PCDHA10: variants seen among roughly 807,000 people sequenced by gnomAD.
PCDHA10 encodes protocadherin alpha-10.
In PCDHA10, 45 loss-of-function variants were observed where a neutral mutation model predicts 61.2. The observed-to-expected ratio is 0.74, with a 90% CI of 0.58 to 0.94. The LOEUF (loss-of-function observed/expected upper bound fraction) is 0.94. Among genes scored for constraint, PCDHA10 ranks in the 40% least tolerant of loss-of-function variants. PCDHA10 has a pLI of 0.00. For synonymous variants in PCDHA10, 602 were observed against 548.8 expected (o/e 1.10, Z -1.35); for missense variants, 1,278 against 1,236.2 (o/e 1.03, Z -0.51).
intron 1 of PCDHA10, among the ~76,000 whole-genome samples, chr5:140,952,271 G>A (rs561917046): frequency 6.6e-6 from 1 of 151,646 alleles, no homozygotes; most frequent in East Asian, 2.0e-4. Flanking sequence ...CTGGGGTCTT[G>A]AGGGTGGTGG....
intron 1 of PCDHA10, among the ~76,000 whole-genome samples, chr5:140,898,053 A>C (rs1444652933): frequency 1.3e-5 from 2 of 151,746 alleles, no homozygotes; most frequent in Admixed American, 1.3e-4. Context: ...TTTTTCTTGT[A>C]AATTTGTTTG....
chr5:140,871,132 G>T, intron 1 of PCDHA10: 7 of 1,613,372 alleles, frequency 4.3e-6, no homozygotes, highest in Non-Finnish European at 5.9e-6. Context: ...GGCGCCAAAG[G>T]CCTCTTCCCG....
At chr5:140,973,207 A>C (rs1335984656) in intron 1 of PCDHA10, among the ~76,000 whole-genome samples, 1 of 152,100 alleles carries the variant, frequency 6.6e-6, no homozygotes, top group Non-Finnish European at 1.5e-5. Flanking sequence ...GTGCATATTC[A>C]CCCTAATTCC....
In PCDHA10 at chr5:140,945,883, GAA is replaced by G. The variant is rs2093856247; in HGVS notation, c.2389-33063_2389-33062del. On this transcript the variant is annotated intron_variant, in intron 1 of 3. Transcript: ENST00000307360. ...GACCTGAAATTGTAAAACTAACAAA[GAA>G]AACACAGTGGGAAAGATGAAAGATC... Among the ~76,000 whole-genome samples the G allele has an allele frequency of 2.6e-5, 4 of 152,104 alleles. No homozygotes were observed. The South Asian group carries it at 8.3e-4, about 32-fold the overall frequency.
intron 1 of PCDHA10, chr5:140,929,903 C>T (rs11747154): frequency 0.12 from 17,815 of 152,352 alleles, 1,161 homozygotes; most frequent in Middle Eastern, 0.19. Context: ...ATCTTTAATA[C>T]GATATACCAT....
chr5:140,883,406 G>A, intron 1 of PCDHA10: 2 of 1,614,156 alleles, frequency 1.2e-6, no homozygotes, highest in South Asian at 2.2e-5. Context: ...TCGTGACTCT[G>A]GCTCAAATGG....
At chr5:140,865,143 T>C (rs142181937) in intron 1 of PCDHA10, 3 of 152,352 alleles carry the variant, frequency 2.0e-5, no homozygotes, top group Admixed American at 1.3e-4. Context: ...GAATTTAACA[T>C]TGTATACTTT....
At chr5:140,999,345 C>A (rs2097854633) in intron 3 of PCDHA10, among the ~76,000 whole-genome samples, 1 of 152,178 alleles carries the variant, frequency 6.6e-6, no homozygotes, top group Non-Finnish European at 1.5e-5. Flanking sequence ...TAAGCCTTGT[C>A]TCTTTTTAAT....
At chr5:140,994,704 C>CA (rs1294993555) in intron 3 of PCDHA10, among the ~76,000 whole-genome samples, 3 of 150,616 alleles carry the variant, frequency 2.0e-5, no homozygotes, top group African/African-American at 4.9e-5. Flanking sequence ...GACCCTGTCT[C>CA]AAAAAAAAAT....
chr5:140,934,209 C>G (rs1554209791), intron 1 of PCDHA10, among the ~76,000 whole-genome samples: 1 of 152,068 alleles, frequency 6.6e-6, no homozygotes, highest in Non-Finnish European at 1.5e-5. Context: ...TTTCCTCACA[C>G]AAAATGTTTA....
At position 140,950,241 on chromosome 5, in the gene PCDHA10, G is replaced by A. The variant is rs191139851; in HGVS notation, c.2389-28708G>A. 3.8e-4 allele frequency among the ~76,000 whole-genome samples: 58 copies of A among 152,014 alleles called. 1 individual carries two copies. The highest frequency in any genetic ancestry group is 6.8e-3 in the Middle Eastern group (2 of 294). On this transcript the variant is annotated intron_variant, in intron 1 of 3. Coordinates refer to ENST00000307360, the MANE Select transcript of PCDHA10 (RefSeq NM_018901.4). The stretch of plus-strand genomic sequence containing the variant: ...TTACCATTTCTAGTGCCATTAATTT[G>A]TTCCTAAAGAGCTGAGTTTATCCAT...
intron 1 of PCDHA10, among the ~76,000 whole-genome samples, chr5:140,874,289 T>G (rs1234939624): frequency 1.3e-5 from 2 of 152,230 alleles, no homozygotes; most frequent in Non-Finnish European, 2.9e-5. Context: ...ACAAAATCTA[T>G]GTGTACTTGT....
chr5:140,929,484 T>C, intron 1 of PCDHA10: 1 of 1,156,262 alleles, frequency 8.6e-7, no homozygotes, highest in Non-Finnish European at 1.2e-6. Context: ...AGTATAGAAG[T>C]ATTAGAAGAT....
chr5:140,897,104 C>A (rs1474457154), intron 1 of PCDHA10, among the ~76,000 whole-genome samples: 1 of 152,116 alleles, frequency 6.6e-6, no homozygotes, highest in Non-Finnish European at 1.5e-5. Flanking sequence ...TTAAAAATCT[C>A]CACTTTCTGT....
intron 1 of PCDHA10, chr5:140,968,696 A>G (rs1554230980): frequency 6.2e-7 from 1 of 1,614,134 alleles, no homozygotes; most frequent in Non-Finnish European, 8.5e-7. Context: ...AGAAATTAGG[A>G]CTACCAGGAA....
chr5:140,869,997 T>C (rs782075585), intron 1 of PCDHA10: 23 of 1,613,172 alleles, frequency 1.4e-5, no homozygotes, highest in Non-Finnish European at 2.5e-6. Context: ...ATCAAAATAA[T>C]GGAGAAGTGA....
At chr5:140,913,440 T>A (rs2076337142) in intron 1 of PCDHA10, among the ~76,000 whole-genome samples, 1 of 152,224 alleles carries the variant, frequency 6.6e-6, no homozygotes, top group Non-Finnish European at 1.5e-5. Context: ...GCCTCCTTTT[T>A]CAGCTCCGAT....
At chr5:140,915,012 C>T (rs2076943122) in intron 1 of PCDHA10, among the ~76,000 whole-genome samples, 1 of 144,844 alleles carries the variant, frequency 6.9e-6, no homozygotes, top group Non-Finnish European at 1.5e-5. Context: ...GTGGCCTGAT[C>T]TTGGCTCACT....
intron 1 of PCDHA10, among the ~76,000 whole-genome samples, chr5:140,964,512 T>C (rs2095837085): frequency 6.6e-6 from 1 of 152,128 alleles, no homozygotes; most frequent in African/African-American, 2.4e-5. Context: ...CAATACCCAG[T>C]GGCCAGGTCT....
Sources: gnomAD v4.1 joint callset for allele counts (sites outside exome capture counted in the v4.1 genomes callset) on GRCh38, gnomAD v4.1.1 for gene constraint, MANE v1.5 for transcripts, NCBI Gene and HGNC (gene_info 2026-07-23, HGNC 2026-07-21) for gene names.